The following SYNE1 variants were observed in gnomAD, a reference collection of about 807,000 sequenced individuals.
SYNE1 encodes the protein spectrin repeat containing nuclear envelope protein 1.
Under a neutral mutation model 1,111.0 loss-of-function variants are expected in SYNE1, and 616 were observed. The observed-to-expected ratio is 0.55, with a 90% CI of 0.52 to 0.59. The LOEUF (loss-of-function observed/expected upper bound fraction) is 0.59. SYNE1 is among the 20% of genes least tolerant of loss of function. The pLI is 0.00. For synonymous variants in SYNE1, 3,855 were observed against 3,825.8 expected (o/e 1.01, Z -0.28); for missense variants, 10,006 against 10,417.0 (o/e 0.96, Z 1.72).
chr6:152,577,037 A>AT (rs568800280), intron 3 of SYNE1, among the ~76,000 whole-genome samples: 2 of 152,270 alleles, frequency 1.3e-5, no homozygotes, highest in East Asian at 3.9e-4. Flanking sequence ...TTAAGAAGGC[A>AT]TTTTTTTGTC....
At chr6:152,189,841 A>G (rs2071696581) in intron 127 of SYNE1, among the ~76,000 whole-genome samples, 2 of 152,212 alleles carry the variant, frequency 1.3e-5, no homozygotes, top group Non-Finnish European at 2.9e-5. Flanking sequence ...TCCAGTGGTG[A>G]TTGATGAAGG....
At chr6:152,137,099 T>TCA (rs1471329403) in intron 140 of SYNE1, among the ~76,000 whole-genome samples, 1 of 152,050 alleles carries the variant, frequency 6.6e-6, no homozygotes, top group East Asian at 1.9e-4. Context: ...CTCAATACAT[T>TCA]CACACACACA....
Position 152,330,735 on chromosome 6 carries a change from T to C in SYNE1, c.13950A>G (p.Arg4650=). Residue 4650 remains arginine, a synonymous_variant, in exon 78 of 146, where the codon CGA becomes CGG. Coordinates refer to ENST00000367255, the MANE Select transcript of SYNE1 (RefSeq NM_182961.4). ...YLSEKLNALP[R]QFNVIVALAK... Reference sequence around the variant, plus strand: ...CCAAGGCAACAATTACATTAAATTGTCGAGGCAAAGCATTTAGCTTTTCAC... The same window carrying C: ...CCAAGGCAACAATTACATTAAATTGCCGAGGCAAAGCATTTAGCTTTTCAC... The C allele has an allele frequency of 6.2e-7, 1 of 1,614,038 alleles. No homozygotes were observed. The highest frequency in any genetic ancestry group is 8.5e-7 in the Non-Finnish European group (1 of 1,180,042).
intron 3 of SYNE1, among the ~76,000 whole-genome samples, chr6:152,596,951 A>G (rs1478847867): frequency 6.6e-6 from 1 of 152,208 alleles, no homozygotes; most frequent in Non-Finnish European, 1.5e-5. Context: ...CAGGAACATG[A>G]GGGCCTCCAT....
chr6:152,332,404 G>C (rs1482273103), intron 77 of SYNE1, among the ~76,000 whole-genome samples: 1 of 152,218 alleles, frequency 6.6e-6, no homozygotes, highest in Non-Finnish European at 1.5e-5. Flanking sequence ...ACTAGAAGTT[G>C]AATCAAACCA....
chr6:152,358,375 G>A lies in SYNE1; in HGVS notation c.10606C>T (p.Gln3536Ter). ...HTHETTLRDLQELQVHCAEGQ... is the reference protein window; with the variant it reads ...HTHETTLRDL ...TTTTAGGATAAAGGAGGCCTTACCT[G>A]AAGATCACGCAATGTTGTCTCATGA... is the stretch of plus-strand genomic sequence containing the variant. The change falls in exon 66 of 146, where the codon CAG becomes TAG. Residue 3536 changes from glutamine to a stop codon, truncating the protein, a stop_gained and splice_region_variant. Transcript: ENST00000367255. LOFTEE classifies it high-confidence loss of function. The A allele has an allele frequency of 6.2e-7, 1 of 1,614,136 alleles. No individual in the cohort carries two copies. The highest frequency in any genetic ancestry group is 1.3e-5 in the African/African-American group (1 of 75,052).
chr6:152,552,121 G>C (rs1296509025), intron 3 of SYNE1, among the ~76,000 whole-genome samples: 1 of 152,112 alleles, frequency 6.6e-6, no homozygotes, highest in Non-Finnish European at 1.5e-5. Flanking sequence ...ACATTGTTTG[G>C]TGTGGAATGG....
intron 73 of SYNE1, among the ~76,000 whole-genome samples, chr6:152,346,447 T>G (rs2096633103): frequency 6.6e-6 from 1 of 152,064 alleles, no homozygotes; most frequent in Non-Finnish European, 1.5e-5. Flanking sequence ...GATTATAGGC[T>G]TGAGCCACCA....
intron 5 of SYNE1, among the ~76,000 whole-genome samples, chr6:152,524,195 T>C (rs371102218): frequency 1.0e-3 from 152 of 152,320 alleles, no homozygotes; most frequent in African/African-American, 3.5e-3. Context: ...TTGTCATATA[T>C]GGCTTTTATT....
chr6:152,344,999 G>A (rs1328227604), intron 73 of SYNE1, among the ~76,000 whole-genome samples: 2 of 152,132 alleles, frequency 1.3e-5, no homozygotes, highest in East Asian at 1.9e-4. Context: ...GACAATAGAA[G>A]CAATCATTGA....
At chr6:152,309,218 A>G (rs1289664759) in intron 90 of SYNE1, among the ~76,000 whole-genome samples, 1 of 152,204 alleles carries the variant, frequency 6.6e-6, no homozygotes, top group Non-Finnish European at 1.5e-5. Context: ...TTTTCTGTCC[A>G]ACAAATTACA....
chr6:152,367,141 C>A, intron 62 of SYNE1, 77 bp downstream of exon 62: 1 of 1,553,858 alleles, frequency 6.4e-7, no homozygotes, highest in Middle Eastern at 1.7e-4. Context: ...CATCATCACC[C>A]CAGGTGGATG....
intron 130 of SYNE1, among the ~76,000 whole-genome samples, chr6:152,165,303 T>C (rs1180787746): frequency 6.6e-6 from 1 of 152,226 alleles, no homozygotes; most frequent in African/African-American, 2.4e-5. Flanking sequence ...TTAAAATTGT[T>C]ATCATCACTT....
chr6:152,401,033 T>C (rs2097805324), intron 47 of SYNE1, 105 bp downstream of exon 47: 17 of 1,136,234 alleles, frequency 1.5e-5, no homozygotes, highest in Non-Finnish European at 1.9e-5. Flanking sequence ...CTGGTGTTCA[T>C]ATGGGTAACT....
Position 152,362,170 on chromosome 6 carries a change from C to T in SYNE1, c.10299G>A (p.Lys3433=). 1 of 1,614,224 alleles carries T rather than the reference C, an allele frequency of 6.2e-7. No homozygotes were observed. The highest frequency in any genetic ancestry group is 2.2e-5 in the East Asian group (1 of 44,890). Residue 3433 remains lysine, a splice_region_variant and synonymous_variant, in exon 64 of 146, where the codon AAG becomes AAA. Transcript: ENST00000367255. ...ATGGAATCTGAAATCCAGCTCTCAC[C>T]TTGGCTTTTCCGAGCATCGTTGTTT... ...RDKTTMLGKA[K]LLNEEVLSYS...
rs574678699 is a variant in SYNE1 at position 152,249,697 on chromosome 6, C to T, written c.19471-435G>A. On this transcript the variant is annotated intron_variant, in intron 104 of 145. Coordinates refer to ENST00000367255, the MANE Select transcript of SYNE1 (RefSeq NM_182961.4). ...CCATTTTGCTCTCTCCTCTTCTTCC[C>T]TCCCTCCATCAGTTTCTTCTTCTAT... Among the ~76,000 whole-genome samples, 66 of 152,224 alleles carry T rather than the reference C, an allele frequency of 4.3e-4. 1 individual carries two copies. Among genetic ancestry groups the T allele is most frequent in the African/African-American group, 1.5e-3 (64 of 41,534 alleles).
At chr6:152,191,131 A>G (rs1391164547) in intron 127 of SYNE1, among the ~76,000 whole-genome samples, 2 of 152,228 alleles carry the variant, frequency 1.3e-5, no homozygotes, top group African/African-American at 4.8e-5. Context: ...CCACTTGGTC[A>G]TGATGAATGA....
intron 11 of SYNE1, among the ~76,000 whole-genome samples, chr6:152,491,040 A>T (rs1454504844): frequency 6.6e-6 from 1 of 152,224 alleles, no homozygotes; most frequent in Non-Finnish European, 1.5e-5. Context: ...ACTTGGGAAG[A>T]CAGTCTTCCC....
intron 9 of SYNE1, among the ~76,000 whole-genome samples, chr6:152,503,786 T>C (rs1030753380): frequency 3.9e-5 from 6 of 152,130 alleles, no homozygotes; most frequent in Non-Finnish European, 5.9e-5. Context: ...AACCGTTGAG[T>C]AAAACTTTTT....
Sources: allele counts gnomAD v4.1 joint callset (sites outside exome capture counted in the v4.1 genomes callset), GRCh38; gene constraint gnomAD v4.1.1; transcripts MANE v1.5; gene names NCBI Gene and HGNC (gene_info 2026-07-23, HGNC 2026-07-21).